The following UBE4B variants were observed in gnomAD, a reference collection of about 807,000 sequenced individuals.
UBE4B encodes the protein ubiquitin conjugation factor E4 B.
A neutral mutation model predicts 148.1 loss-of-function variants in UBE4B; 27 were observed. The ratio of observed to expected loss-of-function variants is 0.18; its 90% confidence interval spans 0.13 to 0.25. The LOEUF (loss-of-function observed/expected upper bound fraction) is 0.25, where lower values mean the gene tolerates loss of function less well. UBE4B is among the 10% of genes least tolerant of loss of function. The pLI is 1.00. For synonymous variants in UBE4B, 596 were observed against 619.3 expected (o/e 0.96, Z 0.56); for missense variants, 1,170 against 1,662.4 (o/e 0.70, Z 5.15).
intron 11 of UBE4B, among the ~76,000 whole-genome samples, chr1:10,127,838 A>G (rs1019533306): frequency 6.6e-6 from 1 of 152,248 alleles, no homozygotes; most frequent in African/African-American, 2.4e-5. Context: ...CAACAGTTGA[A>G]CAGATACTGT....
intron 2 of UBE4B, among the ~76,000 whole-genome samples, chr1:10,089,241 G>T (rs555560129): frequency 1.1e-4 from 17 of 152,154 alleles, no homozygotes; most frequent in African/African-American, 3.9e-4. Flanking sequence ...TCTTGACCTC[G>T]TAATCTGCCC....
intron 25 of UBE4B, among the ~76,000 whole-genome samples, chr1:10,172,573 C>T (rs1646354376): frequency 6.6e-6 from 1 of 152,180 alleles, no homozygotes; most frequent in Non-Finnish European, 1.5e-5. Flanking sequence ...GTGTCTCTGT[C>T]TTTGTTCACA....
At chr1:10,175,759 C>G (rs1277049756) in intron 25 of UBE4B, among the ~76,000 whole-genome samples, 1 of 152,220 alleles carries the variant, frequency 6.6e-6, no homozygotes, top group Non-Finnish European at 1.5e-5. Flanking sequence ...GCTCCCTCCT[C>G]TAACCTACCA....
intron 25 of UBE4B, among the ~76,000 whole-genome samples, chr1:10,172,846 TGTGG>T (rs1186154068): frequency 6.6e-6 from 1 of 152,188 alleles, no homozygotes; most frequent in East Asian, 1.9e-4. Flanking sequence ...ACAAAGACCA[TGTGG>T]CCCCATCATA....
chr1:10,125,944 A>G lies in UBE4B; in HGVS notation c.1555-850A>G, dbSNP rs568464084. Reference sequence around the variant, plus strand: ...CTAATTTAAGTTTAATGTAGTAATAATGTTGATTGTTGGCCTGTTTATCTT... The same window carrying G: ...CTAATTTAAGTTTAATGTAGTAATAGTGTTGATTGTTGGCCTGTTTATCTT... On this transcript the variant is annotated intron_variant, in intron 10 of 27. Transcript: ENST00000343090. Among the ~76,000 whole-genome samples, 5 of 152,318 alleles carry G rather than the reference A, an allele frequency of 3.3e-5. No homozygotes were observed. In the East Asian group the frequency reaches 9.6e-4, roughly 29 times the overall value.
chr1:10,101,336 A>C (rs1570889883), intron 4 of UBE4B, 141 bp downstream of exon 4: 1 of 716,716 alleles, frequency 1.4e-6, no homozygotes, highest in East Asian at 2.7e-5. Flanking sequence ...TTTGAGGAAA[A>C]ATGAATAACC....
At chr1:10,055,515 G>A (rs1644149602) in intron 1 of UBE4B, among the ~76,000 whole-genome samples, 1 of 152,026 alleles carries the variant, frequency 6.6e-6, no homozygotes, top group African/African-American at 2.4e-5. Context: ...ATGGGGTCTC[G>A]TTATGTTGCC....
At chr1:10,124,974 A>G (rs1194369072) in intron 10 of UBE4B, among the ~76,000 whole-genome samples, 2 of 152,124 alleles carry the variant, frequency 1.3e-5, no homozygotes, top group African/African-American at 4.8e-5. Context: ...CAAAATACAA[A>G]AAATTAGCTG....
chr1:10,176,225 C>T (rs1646427410), intron 25 of UBE4B, among the ~76,000 whole-genome samples: 1 of 152,032 alleles, frequency 6.6e-6, no homozygotes, highest in South Asian at 2.1e-4. Flanking sequence ...ATGGATATAC[C>T]ACCATTTGTT....
intron 2 of UBE4B, among the ~76,000 whole-genome samples, chr1:10,091,216 G>T (rs1330216190): frequency 6.6e-6 from 1 of 152,182 alleles, no homozygotes; most frequent in African/African-American, 2.4e-5. Context: ...TTAATATCTG[G>T]CTTTGTGAAG....
chr1:10,155,725 G>C (rs979184396), intron 21 of UBE4B, among the ~76,000 whole-genome samples: 1 of 152,350 alleles, frequency 6.6e-6, no homozygotes, highest in South Asian at 2.1e-4. Flanking sequence ...TTCTAGCTTA[G>C]AAAATGCTCA....
intron 8 of UBE4B, 146 bp downstream of exon 8, chr1:10,117,746 G>A: frequency 9.6e-7 from 1 of 1,046,444 alleles, no homozygotes; most frequent in Non-Finnish European, 1.3e-6. Flanking sequence ...TAGGAACTTA[G>A]GATGTGTCGA....
intron 11 of UBE4B, among the ~76,000 whole-genome samples, chr1:10,127,203 A>AG (rs1645515067): frequency 7.2e-6 from 1 of 138,014 alleles, no homozygotes; most frequent in Non-Finnish European, 1.6e-5. Flanking sequence ...TTTGTTACTT[A>AG]AAAAAAAAAA....
intron 10 of UBE4B, among the ~76,000 whole-genome samples, chr1:10,124,583 T>G (rs1465000305): frequency 6.6e-6 from 1 of 152,226 alleles, no homozygotes; most frequent in East Asian, 1.9e-4. Context: ...CCATGTGTTT[T>G]ATCTAGAGAG....
Position 10,122,086 on chromosome 1 carries a change from T to C in UBE4B, c.1554+10T>C, listed in dbSNP as rs760291597. 3 of 1,592,580 alleles carry C rather than the reference T, an allele frequency of 1.9e-6. No individual in the cohort carries two copies. Among genetic ancestry groups the C allele is most frequent in the Non-Finnish European group, 2.6e-6 (3 of 1,166,776 alleles). On this transcript the variant is annotated intron_variant, in intron 10 of 27. Transcript: ENST00000343090. ...AGAAGTGTTCAAGCAGGTACGGTCG[T>C]ATGAGTTTGCTCTTGCAAATTTTAG...
chr1:10,104,531 T>C (rs913383793), intron 5 of UBE4B, among the ~76,000 whole-genome samples: 2 of 152,210 alleles, frequency 1.3e-5, no homozygotes, highest in African/African-American at 2.4e-5. Flanking sequence ...AGATCACCTT[T>C]CTCTTTTCTA....
intron 26 of UBE4B, 153 bp from the exon 27 acceptor site, chr1:10,179,263 G>A: frequency 2.2e-6 from 2 of 917,492 alleles, no homozygotes; most frequent in Non-Finnish European, 1.6e-6. Context: ...TGCCTTTATT[G>A]AAGGCTGATT....
At chr1:10,132,527 C>G (rs776157772) in intron 15 of UBE4B, 45 bp downstream of exon 15, 1 of 1,553,706 alleles carries the variant, frequency 6.4e-7, no homozygotes, top group East Asian at 2.2e-5. Flanking sequence ...CAAATTCATT[C>G]ATCTGACCCA....
chr1:10,074,293 C>G (rs922508220), intron 2 of UBE4B, among the ~76,000 whole-genome samples: 6 of 152,092 alleles, frequency 3.9e-5, no homozygotes, highest in Non-Finnish European at 5.9e-5. Flanking sequence ...AGCCTTCACT[C>G]CAGCAGTTCC....
Sources: gnomAD v4.1 joint callset for allele counts (sites outside exome capture counted in the v4.1 genomes callset) on GRCh38, gnomAD v4.1.1 for gene constraint, MANE v1.5 for transcripts, NCBI Gene and HGNC (gene_info 2026-07-23, HGNC 2026-07-21) for gene names.